PRMT8: variants seen among roughly 807,000 people sequenced by gnomAD.
The protein encoded by PRMT8 is protein arginine methyltransferase 8.
A neutral mutation model predicts 47.1 loss-of-function variants in PRMT8; 7 were observed. That is an observed-to-expected ratio of 0.15 (90% CI 0.08 to 0.28). PRMT8 has a LOEUF of 0.28. PRMT8 is among the 10% of genes least tolerant of loss of function. The probability of loss-of-function intolerance (pLI) is 1.00; values close to 1 mark genes in which losing one functional copy is unlikely to be tolerated. For synonymous variants in PRMT8, 188 were observed against 186.5 expected (o/e 1.01, Z -0.07); for missense variants, 237 against 505.4 (o/e 0.47, Z 5.09).
chr12:3,418,035 A>G (rs372843821), intron 1 of PRMT8, among the ~76,000 whole-genome samples: 4 of 152,228 alleles, frequency 2.6e-5, no homozygotes, highest in African/African-American at 9.7e-5. Flanking sequence ...GGATTAAATG[A>G]GTTCATGCAT....
intron 8 of PRMT8, among the ~76,000 whole-genome samples, chr12:3,590,977 C>A (rs985207084): frequency 6.6e-6 from 1 of 152,044 alleles, no homozygotes; most frequent in African/African-American, 2.4e-5. Context: ...TGACAGGCAC[C>A]GCAATAACAG....
At chr12:3,480,423 A>G (rs542985598) in intron 1 of PRMT8, among the ~76,000 whole-genome samples, 9 of 152,186 alleles carry the variant, frequency 5.9e-5, no homozygotes, top group Non-Finnish European at 1.2e-4. Context: ...CTTAGAATGG[A>G]AGAGTTGAAA....
chr12:3,528,769 T>C (rs771080946), intron 1 of PRMT8, among the ~76,000 whole-genome samples: 9 of 152,218 alleles, frequency 5.9e-5, no homozygotes, highest in Non-Finnish European at 1.0e-4. Flanking sequence ...TTTTTAGATA[T>C]TTTATGCTTC....
At chr12:3,386,929 C>T (rs1049959068) in intron 1 of PRMT8, among the ~76,000 whole-genome samples, 8 of 151,638 alleles carry the variant, frequency 5.3e-5, no homozygotes, top group Non-Finnish European at 7.4e-5. Flanking sequence ...AGGCTGGTCT[C>T]GAACTCCTGA....
intron 8 of PRMT8, among the ~76,000 whole-genome samples, chr12:3,587,789 G>A (rs773137376): frequency 2.6e-5 from 4 of 152,200 alleles, no homozygotes; most frequent in African/African-American, 4.8e-5. Flanking sequence ...TCTGTTCTCA[G>A]CCCAGTGGTA....
chr12:3,420,015 A>AAG (rs1202223528), intron 1 of PRMT8, among the ~76,000 whole-genome samples: 1 of 77,086 alleles, frequency 1.3e-5, no homozygotes, highest in African/African-American at 4.9e-5. Flanking sequence ...AGAGAGGGGA[A>AAG]AGAGAGAGAG....
rs1283074268 is a variant in PRMT8 at position 3,538,992 on chromosome 12, C to G, written c.76-1614C>G. On this transcript the variant is annotated intron_variant, in intron 1 of 9. Coordinates refer to ENST00000382622, the MANE Select transcript of PRMT8 (RefSeq NM_019854.5). This position sits in a 1 kb window ranked among gnomAD's most constrained non-coding sequence, Gnocchi z 4.6. Reference sequence around the variant, plus strand: ...CTCCCCTGCAGCCCTGGACACAGAACAGTCTTGGGACTGCGCGGAGTGATT... The same window carrying G: ...CTCCCCTGCAGCCCTGGACACAGAAGAGTCTTGGGACTGCGCGGAGTGATT... Among the ~76,000 whole-genome samples the G allele has an allele frequency of 6.6e-6, 1 of 152,234 alleles. No homozygotes were observed. The highest frequency in any genetic ancestry group is 1.9e-4 in the East Asian group (1 of 5,196).
At chr12:3,457,228 T>C (rs917690400) in intron 1 of PRMT8, among the ~76,000 whole-genome samples, 9 of 152,326 alleles carry the variant, frequency 5.9e-5, no homozygotes, top group African/African-American at 7.2e-5. Flanking sequence ...GAGGAAGGCC[T>C]ATCTAGGCTG....
chr12:3,389,691 C>A (rs1459046451), intron 1 of PRMT8, among the ~76,000 whole-genome samples: 1 of 152,192 alleles, frequency 6.6e-6, no homozygotes, highest in African/African-American at 2.4e-5. Flanking sequence ...GCCCTGGGGA[C>A]ACAGAAAAGG....
At chr12:3,575,323 A>G (rs1229921879) in intron 6 of PRMT8, among the ~76,000 whole-genome samples, 4 of 152,262 alleles carry the variant, frequency 2.6e-5, no homozygotes, top group Admixed American at 2.6e-4. Flanking sequence ...TGTTTGGTGA[A>G]TGTTTTAAAA....
intron 1 of PRMT8, among the ~76,000 whole-genome samples, chr12:3,455,518 A>G (rs898737292): frequency 3.9e-5 from 6 of 152,054 alleles, no homozygotes; most frequent in Admixed American, 3.3e-4. Flanking sequence ...TGCCACCCTG[A>G]ACAAAGAAAT....
In PRMT8 at chr12:3,557,472, G is replaced by A. The variant is rs1565440940; in HGVS notation, c.481+3758G>A. Among the ~76,000 whole-genome samples, 2 of 152,184 alleles carry A rather than the reference G, an allele frequency of 1.3e-5. No homozygotes were observed. On this transcript the variant is annotated intron_variant, in intron 4 of 9. Coordinates refer to ENST00000382622, the MANE Select transcript of PRMT8 (RefSeq NM_019854.5). This position sits in a 1 kb window ranked among gnomAD's most constrained non-coding sequence, Gnocchi z 4.7. ...GAGCTGCGATCCTGAGGCCCAAGTAGGGGGATGCTGCTCAGACCCCTTGGC... is the reference window on the plus strand; with the variant it reads ...GAGCTGCGATCCTGAGGCCCAAGTAAGGGGATGCTGCTCAGACCCCTTGGC...
intron 1 of PRMT8, among the ~76,000 whole-genome samples, chr12:3,390,563 A>G (rs1864183769): frequency 2.0e-5 from 3 of 152,174 alleles, no homozygotes; most frequent in Admixed American, 2.0e-4. Flanking sequence ...AGTAGCTACC[A>G]TTACGATTCC....
intron 1 of PRMT8, among the ~76,000 whole-genome samples, chr12:3,529,932 A>G (rs776771640): frequency 2.0e-5 from 3 of 152,122 alleles, no homozygotes; most frequent in Admixed American, 6.5e-5. Flanking sequence ...GTGCAAAGAG[A>G]TGGTTGGAAA....
At chr12:3,429,462 A>T (rs1864649312) in intron 1 of PRMT8, among the ~76,000 whole-genome samples, 1 of 152,200 alleles carries the variant, frequency 6.6e-6, no homozygotes, top group Non-Finnish European at 1.5e-5. Context: ...CTAACACCAC[A>T]CGCACACCAC....
chr12:3,572,555 G>A lies in PRMT8; in HGVS notation c.712+2991G>A, dbSNP rs1039411133. On this transcript the variant is annotated intron_variant, in intron 6 of 9. Coordinates refer to ENST00000382622, the MANE Select transcript of PRMT8 (RefSeq NM_019854.5). The surrounding 1 kb of genome is among the most constrained non-coding windows in gnomAD (Gnocchi z 5.9). The stretch of plus-strand genomic sequence containing the variant: ...GCTTATAGCTTGATGGTTGAAGGGC[G>A]GCCCTCTTGGATGGCTCAGCTGCTG... Among the ~76,000 whole-genome samples, 6 of 152,160 alleles carry A rather than the reference G, an allele frequency of 3.9e-5. No individual in the cohort carries two copies. Among genetic ancestry groups the A allele is most frequent in the Non-Finnish European group, 7.3e-5 (5 of 68,034 alleles).
chr12:3,400,768 T>C (rs972750631), intron 1 of PRMT8, among the ~76,000 whole-genome samples: 1 of 152,174 alleles, frequency 6.6e-6, no homozygotes, highest in Non-Finnish European at 1.5e-5. Flanking sequence ...AATAAAATAC[T>C]GACAAACTGA....
chr12:3,490,029 G>A (rs1865363775), upstream of PRMT8, among the ~76,000 whole-genome samples: 2 of 152,152 alleles, frequency 1.3e-5, no homozygotes, highest in African/African-American at 4.8e-5. Context: ...AATGGACTCT[G>A]GGGTTAGTTG....
Position 3,547,844 on chromosome 12 carries a change from A to G in PRMT8, c.262-2092A>G, listed in dbSNP as rs541570975. 1.1e-4 allele frequency among the ~76,000 whole-genome samples: 17 copies of G among 152,330 alleles called. No homozygotes were observed. The South Asian group carries it at 2.3e-3, about 20-fold the overall frequency. ...TAAAATGTCAGTTCTCCCCAAATTGATCTATAGATTTAATACAAGTCTGAT... is the reference window on the plus strand; with the variant it reads ...TAAAATGTCAGTTCTCCCCAAATTGGTCTATAGATTTAATACAAGTCTGAT... On this transcript the variant is annotated intron_variant, in intron 2 of 9. Coordinates refer to ENST00000382622, the MANE Select transcript of PRMT8 (RefSeq NM_019854.5).
Sources: allele counts gnomAD v4.1 joint callset (sites outside exome capture counted in the v4.1 genomes callset), GRCh38; gene constraint gnomAD v4.1.1; non-coding constraint Gnocchi (gnomAD v3.1); transcripts MANE v1.5; gene names NCBI Gene and HGNC (gene_info 2026-07-23, HGNC 2026-07-21).